The following MAPK11 variants were observed in gnomAD, a reference collection of about 807,000 sequenced individuals.
MAPK11 encodes mitogen-activated protein kinase 11.
A neutral mutation model predicts 52.2 loss-of-function variants in MAPK11; 44 were observed. The observed-to-expected ratio is 0.84, with a 90% CI of 0.66 to 1.08. The LOEUF is 1.08. Ranked by LOEUF, MAPK11 falls within the 50% of genes least tolerant of loss-of-function variation. MAPK11 has a pLI of 0.00. For synonymous variants in MAPK11, 233 were observed against 206.3 expected, an observed-to-expected ratio of 1.13 and a Z score of -1.11; for missense variants, 436 against 494.7, an observed-to-expected ratio of 0.88 and a Z score of 1.13.
rs1297725533 is a variant in MAPK11 at position 50,264,623 on chromosome 22, C to T, written c.*325G>A. Reference sequence around the variant, plus strand: ...CTCCCTTGGGTCGGCCTGGGACAGACAGGGGAACTCCGCAGGGGAACCCCT... The same window carrying T: ...CTCCCTTGGGTCGGCCTGGGACAGATAGGGGAACTCCGCAGGGGAACCCCT... On this transcript the variant is annotated 3_prime_UTR_variant, in exon 12 of 12. Transcript: ENST00000330651. 4.0e-6 allele frequency: 1 copy of T among 252,710 alleles called. No individual in the cohort carries two copies. The highest frequency in any genetic ancestry group is 2.2e-5 in the African/African-American group (1 of 45,114). 15.7% of individuals were successfully genotyped at this position (252,710 alleles called of 1,614,324 possible).
chr22:50,267,657 G>A lies in MAPK11; in HGVS notation c.247-30C>T, dbSNP rs1043405104. 5.9e-6 allele frequency: 9 copies of A among 1,517,298 alleles called. No homozygotes were observed. The Admixed American group carries it at 1.7e-4, about 28-fold the overall frequency. 94.0% of individuals were successfully genotyped at this position (1,517,298 alleles called of 1,614,324 possible). On this transcript the variant is annotated intron_variant, in intron 2 of 11. Transcript: ENST00000330651. ...GTGGCGGGGGGCGTCAGGGCCGGGC[G>A]ACGAACCCCCGGCTGTCGTTCAGCT...
chr22:50,268,176 A>G (rs922472436), intron 1 of MAPK11, among the ~76,000 whole-genome samples: 1 of 152,206 alleles, frequency 6.6e-6, no homozygotes, highest in African/African-American at 2.4e-5. Context: ...TGTTCACCCC[A>G]CAAGGTCCTG....
chr22:50,265,329 T>A lies in MAPK11; in HGVS notation c.1007A>T (p.Glu336Val), dbSNP rs1197727931. The A allele has an allele frequency of 2.5e-6, 4 of 1,612,900 alleles. No individual in the cohort carries two copies. Among genetic ancestry groups the A allele is most frequent in the Non-Finnish European group, 3.4e-6 (4 of 1,179,926 alleles). The change falls in exon 11 of 12, where the codon GAG (glutamate) becomes GTG (valine). Residue 336 changes from glutamate to valine, a missense_variant. Transcript: ENST00000330651. ...GCCACTGCCATGCTCACCCTTCCAC[T>A]CCTCCAGCGTGCGCTCCTTGGCCTC... The part of the protein sequence containing the change: ...SVEAKERTLE[E>V]WKELTYQEVL...
intron 1 of MAPK11, among the ~76,000 whole-genome samples, chr22:50,269,384 C>T (rs1350947379): frequency 6.6e-6 from 1 of 152,218 alleles, no homozygotes; most frequent in Non-Finnish European, 1.5e-5. Flanking sequence ...GCTGCCTCTG[C>T]CTTTGCGCCC....
rs746601487 is a variant in MAPK11, at chr22:50,266,623, C to T, written c.611-12G>A. Reference sequence around the variant, plus strand: ...GGACCAGATATCCACTGTGCGAGGGCGAGGGGACCTCCATCAGTGTGCCCA... The same window carrying T: ...GGACCAGATATCCACTGTGCGAGGGTGAGGGGACCTCCATCAGTGTGCCCA... On this transcript the variant is annotated splice_polypyrimidine_tract_variant and intron_variant, in intron 7 of 11. Coordinates refer to ENST00000330651, the MANE Select transcript of MAPK11 (RefSeq NM_002751.7). 13 of 1,566,630 alleles carry T rather than the reference C, an allele frequency of 8.3e-6. No homozygotes were observed. In the Admixed American group the frequency reaches 9.3e-5, roughly 11 times the overall value.
chr22:50,266,147 T>A, intron 9 of MAPK11, 79 bp downstream of exon 9: 1 of 1,236,074 alleles, frequency 8.1e-7, no homozygotes, highest in Admixed American at 2.3e-5. Context: ...GTCCCCGCAT[T>A]TCCACACCAC....
At chr22:50,266,143 G>T in intron 9 of MAPK11, 83 bp downstream of exon 9, 2 of 1,156,002 alleles carry the variant, frequency 1.7e-6, no homozygotes, top group Non-Finnish European at 1.2e-6. Context: ...TATGGTCCCC[G>T]CATTTCCACA....
At chr22:50,265,839 C>T (rs915883580) in intron 9 of MAPK11, among the ~76,000 whole-genome samples, 179 bp from the exon 10 acceptor site, 2 of 152,088 alleles carry the variant, frequency 1.3e-5, no homozygotes, top group African/African-American at 4.8e-5. Context: ...TCAGTTGGCC[C>T]CTAATGCCTG....
chr22:50,268,434 A>G (rs1011336120), intron 1 of MAPK11, among the ~76,000 whole-genome samples: 1 of 152,220 alleles, frequency 6.6e-6, no homozygotes, highest in Non-Finnish European at 1.5e-5. Flanking sequence ...AATGTTCAAA[A>G]TACGGAGGGA....
Position 50,266,278 on chromosome 22 carries a change from TC to T in MAPK11, c.709del (p.Glu237LysfsTer34). On this transcript the variant is annotated frameshift_variant, in exon 9 of 12. Transcript: ENST00000330651. LOFTEE classifies it high-confidence loss of function. The stretch of plus-strand genomic sequence containing the variant: ...CTCAGGGCTGGGTGTGCCCACCACT[TC>T]CATGATGCGCTTCAGCTGGTCAATG... ...DYIDQLKRIM[E>X]VVGTPSPEVL... 6.2e-7 allele frequency: 1 copy of T among 1,608,068 alleles called. No homozygotes were observed. Among genetic ancestry groups the T allele is most frequent in the South Asian group, 1.1e-5 (1 of 90,044 alleles).
chr22:50,267,542 C>T, intron 3 of MAPK11, 27 bp downstream of exon 3: 2 of 1,546,054 alleles, frequency 1.3e-6, no homozygotes, highest in East Asian at 2.4e-5. Context: ...ACGCGCTCCC[C>T]GCTGCCTCGC....
At position 50,265,618 on chromosome 22, in the gene MAPK11, C is replaced by T. The variant is rs778216937; in HGVS notation, c.805G>A (p.Asp269Asn). The T allele has an allele frequency of 1.2e-6, 2 of 1,607,460 alleles. No homozygotes were observed. Among genetic ancestry groups the T allele is most frequent in the East Asian group, 4.5e-5 (2 of 44,810 alleles). Residue 269 changes from aspartate (D) to asparagine (N), a missense_variant, in exon 10 of 12, where the codon GAC becomes AAC. Physicochemically the swap from Asp to Asn is conservative, Grantham distance 23. Transcript: ENST00000330651. ...GCTCCACGGAAGATGCTGCTCAGGT[C>T]CTTCTGGGGCATGGGGGGCAGGGAC... Reference protein sequence around the residue: ...IQSLPPMPQKDLSSIFRGANP... With the variant: ...IQSLPPMPQKNLSSIFRGANP...
rs1555914777 is a variant in MAPK11, at chr22:50,266,231, C to G, written c.757G>C (p.Glu253Gln). 9.4e-6 allele frequency: 15 copies of G among 1,591,356 alleles called. No individual in the cohort carries two copies. Residue 253 changes from glutamate (E) to glutamine (Q), a missense_variant, in exon 9 of 12, where the codon GAA becomes CAA. By Grantham distance (29) the Glu-to-Gln change is conservative. Transcript: ENST00000330651. ...SPEVLAKISS[E>Q]HARTYIQSLP... is the part of the protein sequence containing the mutation. ...GCTGGCGGGCACCAACTCACGTGTT[C>G]TGAGGAGATTTTTGCCAGAACCTCA...
At chr22:50,265,817 G>A (rs983374618) in intron 9 of MAPK11, among the ~76,000 whole-genome samples, 157 bp from the exon 10 acceptor site, 11 of 152,130 alleles carry the variant, frequency 7.2e-5, no homozygotes, top group Non-Finnish European at 4.4e-5. Context: ...AGGATCTGGT[G>A]GTTCTAGCTC....
chr22:50,266,327 C>A (rs760280290), intron 8 of MAPK11, 22 bp from the exon 9 acceptor site: 1 of 1,592,218 alleles, frequency 6.3e-7, no homozygotes, highest in Admixed American at 1.7e-5. Context: ...AGGAAACACC[C>A]ACGGGCCAGC....
Position 50,270,143 on chromosome 22 carries a change from C to A in MAPK11, c.116+34G>T. The A allele has an allele frequency of 8.6e-7, 1 of 1,164,218 alleles. No individual in the cohort carries two copies. The highest frequency in any genetic ancestry group is 1.1e-6 in the Non-Finnish European group (1 of 889,888). 72.1% of individuals were successfully genotyped at this position (1,164,218 alleles called of 1,614,324 possible). On this transcript the variant is annotated intron_variant, in intron 1 of 11. Coordinates refer to ENST00000330651, the MANE Select transcript of MAPK11 (RefSeq NM_002751.7). The surrounding 1 kb of genome is among the most constrained non-coding windows in gnomAD (Gnocchi z 6.3). Reference sequence around the variant, plus strand: ...GGACGCGCTCTCCGGCCCGGCCCGGCCCCCACCCAGCACCCCTTCTGCCCC... The same window carrying A: ...GGACGCGCTCTCCGGCCCGGCCCGGACCCCACCCAGCACCCCTTCTGCCCC...
In MAPK11 at chr22:50,264,800, T is replaced by G; in HGVS notation, c.*148A>C. 1.6e-6 allele frequency: 1 copy of G among 611,662 alleles called. No homozygotes were observed. 37.9% of individuals were successfully genotyped at this position (611,662 alleles called of 1,614,324 possible). ...ACATGTTTGTGCATGCATACATGCG[T>G]GTAGATTCTCCTGAAGGCGAGGGGT... On this transcript the variant is annotated 3_prime_UTR_variant, in exon 12 of 12. Transcript: ENST00000330651.
Position 50,270,237 on chromosome 22 carries a change from T to C in MAPK11, c.56A>G (p.Glu19Gly). The C allele has an allele frequency of 6.6e-7, 1 of 1,505,746 alleles. No homozygotes were observed. The highest frequency in any genetic ancestry group is 8.8e-7 in the Non-Finnish European group (1 of 1,132,844). The allele number at this position is 1,505,746 out of a possible 1,614,324, so 93.3% of individuals were successfully genotyped here. ...CAGCCCCTGCAGCCGCTGCGGCACC[T>C]CCCACACGGTCTTGTTCAGCTCCTG... The part of the protein sequence containing the change: ...YRQELNKTVW[E>G]VPQRLQGLRP... The change falls in exon 1 of 12, where the codon GAG (glutamate) becomes GGG (glycine). Residue 19 changes from glutamate to glycine, a missense_variant. Transcript: ENST00000330651. This position sits in a 1 kb window ranked among gnomAD's most constrained non-coding sequence, Gnocchi z 6.3.
Position 50,264,825 on chromosome 22 carries a change from TCCTA to T in MAPK11, c.*119_*122del. 1.7e-6 allele frequency: 1 copy of T among 591,426 alleles called. No homozygotes were observed. The highest frequency in any genetic ancestry group is 2.8e-6 in the Non-Finnish European group (1 of 354,738). The allele number at this position is 591,426 out of a possible 1,614,324, so 36.6% of individuals were successfully genotyped here. A position where few individuals can be genotyped will look rare whatever the true frequency, so the allele number is the denominator to read the frequency against. ...TGTAGATTCTCCTGAAGGCGAGGGG[TCCTA>T]GGCCAGAAGTCTGTGACCATAGGAG... On this transcript the variant is annotated 3_prime_UTR_variant, in exon 12 of 12. Transcript: ENST00000330651.
Sources: gnomAD v4.1 joint callset for allele counts (sites outside exome capture counted in the v4.1 genomes callset) on GRCh38, gnomAD v4.1.1 for gene constraint, Gnocchi (gnomAD v3.1) non-coding constraint, MANE v1.5 for transcripts, NCBI Gene and HGNC (gene_info 2026-07-23, HGNC 2026-07-21) for gene names.